Variants in EYA1 observed in about 807,000 individuals in gnomAD.
EYA1 encodes EYA transcriptional coactivator and phosphatase 1.
In EYA1, 16 loss-of-function variants were observed where a neutral mutation model predicts 82.0. That is an observed-to-expected ratio of 0.20 (90% CI 0.13 to 0.30). EYA1 has a LOEUF of 0.30. Among genes scored for constraint, EYA1 ranks in the 10% least tolerant of loss-of-function variants. EYA1 has a pLI of 1.00. For missense variants in EYA1, 633 were observed against 730.7 expected, an observed-to-expected ratio of 0.87 and a Z score of 1.54; for synonymous variants, 261 against 264.4, an observed-to-expected ratio of 0.99 and a Z score of 0.12.
In EYA1 at chr8:71,240,825, C is replaced by T. The variant is rs77559912; in HGVS notation, c.1140+3778G>A. Among the ~76,000 whole-genome samples the T allele has an allele frequency of 3.2e-3, 482 of 152,294 alleles. 5 individuals are homozygous for T. Among genetic ancestry groups the T allele is most frequent in the African/African-American group, 0.011 (448 of 41,552 alleles). Reference sequence around the variant, plus strand: ...GCAGCAGGTTAAACTGAAATATTATCGTATGCTGAAGGCCTTTCCTCACTC... The same window carrying T: ...GCAGCAGGTTAAACTGAAATATTATTGTATGCTGAAGGCCTTTCCTCACTC... On this transcript the variant is annotated intron_variant, in intron 12 of 17. Coordinates refer to ENST00000340726, the MANE Select transcript of EYA1 (RefSeq NM_000503.6).
intron 2 of EYA1, among the ~76,000 whole-genome samples, chr8:71,484,910 G>A (rs952316768): frequency 1.3e-5 from 2 of 152,162 alleles, no homozygotes; most frequent in African/African-American, 4.8e-5. Flanking sequence ...CTGCTGTTGG[G>A]AGCCACGCCT....
intron 2 of EYA1, among the ~76,000 whole-genome samples, chr8:71,452,794 G>C (rs187690914): frequency 6.6e-6 from 1 of 152,168 alleles, no homozygotes; most frequent in East Asian, 1.9e-4. Flanking sequence ...AAGACCAAAG[G>C]TAGATAAAAC....
At chr8:71,332,339 G>C (rs988811033) in intron 4 of EYA1, among the ~76,000 whole-genome samples, 5 of 152,048 alleles carry the variant, frequency 3.3e-5, no homozygotes, top group Non-Finnish European at 7.4e-5. Context: ...GCATCTGCAG[G>C]TAGATGCTGC....
At chr8:71,488,863 A>T (rs1030809715) in intron 2 of EYA1, among the ~76,000 whole-genome samples, 3 of 152,240 alleles carry the variant, frequency 2.0e-5, no homozygotes, top group Non-Finnish European at 4.4e-5. Context: ...ATGAAGGCAG[A>T]TCTACATGCC....
intron 2 of EYA1, among the ~76,000 whole-genome samples, chr8:71,395,366 T>G (rs1829533876): frequency 2.0e-5 from 3 of 152,240 alleles, no homozygotes; most frequent in Admixed American, 2.0e-4. Context: ...CCCTGTCTTG[T>G]GCCAGTTTTC....
In EYA1 at chr8:71,232,964, G is replaced by A. The variant is rs552588314; in HGVS notation, c.1140+11639C>T. On this transcript the variant is annotated intron_variant, in intron 12 of 17. Coordinates refer to ENST00000340726, the MANE Select transcript of EYA1 (RefSeq NM_000503.6). The stretch of plus-strand genomic sequence containing the variant: ...ACTCACGCAATTCTCACACTGACCC[G>A]ATGAGGTATATCATCATCCAGTTTT... Among the ~76,000 whole-genome samples, 37 of 152,226 alleles carry A rather than the reference G, an allele frequency of 2.4e-4. No homozygotes were observed. The South Asian group carries it at 6.9e-3, about 28-fold the overall frequency.
rs557078873 is a variant in EYA1, at chr8:71,499,774, T to C, written c.33+35970A>G. Among the ~76,000 whole-genome samples, 3 of 152,316 alleles carry C rather than the reference T, an allele frequency of 2.0e-5. No homozygotes were observed. The East Asian group carries it at 5.8e-4, about 29-fold the overall frequency. ...GAGTGTTGCTGGAGAGGCTGAGGCA[T>C]GGCAAGCTTTGTATACCAAGAACCT... On this transcript the variant is annotated intron_variant, in intron 2 of 18. Coordinates refer to the EYA1 transcript ENST00000643681.
intron 14 of EYA1, among the ~76,000 whole-genome samples, 194 bp downstream of exon 14, chr8:71,216,498 C>T (rs1222231895): frequency 2.6e-5 from 4 of 152,166 alleles, no homozygotes; most frequent in African/African-American, 4.8e-5. Context: ...CAGGACTAGA[C>T]TGGAATAGCC....
chr8:71,266,334 G>A (rs1314533069), intron 11 of EYA1, among the ~76,000 whole-genome samples: 1 of 152,132 alleles, frequency 6.6e-6, no homozygotes, highest in Non-Finnish European at 1.5e-5. Flanking sequence ...GAAACAAAAG[G>A]ACTGCAAGAC....
intron 2 of EYA1, among the ~76,000 whole-genome samples, chr8:71,450,897 T>C (rs190391005): frequency 6.6e-6 from 1 of 152,204 alleles, no homozygotes; most frequent in Admixed American, 6.5e-5. Context: ...GCTTTTAACT[T>C]CCGTAAAATG....
intron 7 of EYA1, among the ~76,000 whole-genome samples, chr8:71,310,292 G>T (rs1303561554): frequency 1.3e-5 from 2 of 152,124 alleles, no homozygotes; most frequent in African/African-American, 2.4e-5. Flanking sequence ...AAGTTCAGAG[G>T]TACATGTGCA....
intron 2 of EYA1, among the ~76,000 whole-genome samples, chr8:71,508,046 G>C (rs1276071860): frequency 6.6e-6 from 1 of 152,134 alleles, no homozygotes; most frequent in African/African-American, 2.4e-5. Flanking sequence ...TGATGCTCTA[G>C]GAAAAGTGCC....
intron 2 of EYA1, among the ~76,000 whole-genome samples, chr8:71,395,985 T>C (rs1026386057): frequency 3.3e-5 from 5 of 152,212 alleles, no homozygotes; most frequent in African/African-American, 1.2e-4. Flanking sequence ...AATTGGTCTA[T>C]TCAGGGATTC....
At chr8:71,519,543 G>A (rs1452889596) in intron 2 of EYA1, among the ~76,000 whole-genome samples, 1 of 151,848 alleles carries the variant, frequency 6.6e-6, no homozygotes, top group Non-Finnish European at 1.5e-5. Context: ...TCTAGGCTTA[G>A]TAAATGAGCC....
At chr8:71,452,705 G>A (rs1330997430) in intron 2 of EYA1, among the ~76,000 whole-genome samples, 1 of 152,116 alleles carries the variant, frequency 6.6e-6, no homozygotes, top group African/African-American at 2.4e-5. Context: ...TGCAGCTGAG[G>A]GTCCTAAATG....
chr8:71,245,556 T>C (rs1376012978), intron 11 of EYA1, among the ~76,000 whole-genome samples: 1 of 151,548 alleles, frequency 6.6e-6, no homozygotes, highest in Non-Finnish European at 1.5e-5. Flanking sequence ...TTTTAGCTCA[T>C]CAGCTAACAT....
chr8:71,258,448 C>G (rs1814703995), intron 11 of EYA1, among the ~76,000 whole-genome samples: 1 of 152,168 alleles, frequency 6.6e-6, no homozygotes, highest in Non-Finnish European at 1.5e-5. Flanking sequence ...GATCATTTAT[C>G]CACAGGGAAA....
At chr8:71,262,149 T>C (rs1815196168) in intron 11 of EYA1, among the ~76,000 whole-genome samples, 1 of 152,236 alleles carries the variant, frequency 6.6e-6, no homozygotes, top group Non-Finnish European at 1.5e-5. Flanking sequence ...TTTTCTGAGC[T>C]ACACTTTTCT....
chr8:71,367,055 A>C (rs968993501), upstream of EYA1, among the ~76,000 whole-genome samples: 8 of 152,232 alleles, frequency 5.3e-5, no homozygotes, highest in African/African-American at 1.9e-4. Flanking sequence ...AATGGTCAAT[A>C]GAGAAAAAAT....
Sources: gnomAD v4.1 joint callset for allele counts (sites outside exome capture counted in the v4.1 genomes callset) on GRCh38, gnomAD v4.1.1 for gene constraint, MANE v1.5 for transcripts, NCBI Gene and HGNC (gene_info 2026-07-23, HGNC 2026-07-21) for gene names.